Variants in IGSF5 observed in about 807,000 individuals in gnomAD.
The protein encoded by IGSF5 is immunoglobulin superfamily 5 like.
IGSF5 carries 41 observed loss-of-function variants against 39.4 expected under a neutral mutation model. The ratio of observed to expected loss-of-function variants is 1.04; its 90% CI spans 0.81 to 1.35. The LOEUF (loss-of-function observed/expected upper bound fraction) is 1.35, where lower values mean the gene tolerates loss of function less well. Ranked by LOEUF, IGSF5 falls within the 40% of genes most tolerant of loss-of-function variation. The pLI is 0.00. For missense variants in IGSF5, 487 were observed against 494.6 expected (o/e 0.98, Z 0.15); for synonymous variants, 183 against 175.3 (o/e 1.04, Z -0.34).
At chr21:39,729,608 T>C in the IGSF5 span, 1 of 152,226 alleles carries the variant, frequency 6.6e-6, no homozygotes, top group African/African-American at 2.4e-5. Context: ...GATTGCCGAT[T>C]GGACTACAGA....
chr21:39,750,236 A>G (rs999618015), intron 2 of IGSF5, among the ~76,000 whole-genome samples: 1 of 152,092 alleles, frequency 6.6e-6, no homozygotes, highest in African/African-American at 2.4e-5. Context: ...GGCCCCATTT[A>G]CTTGCTTCTT....
the IGSF5 span, among the ~76,000 whole-genome samples, chr21:39,734,451 C>T: frequency 8.5e-5 from 12 of 141,946 alleles, no homozygotes; most frequent in East Asian, 7.8e-4. Flanking sequence ...CACACACACA[C>T]ACACACACAC....
chr21:39,794,213 G>A (rs1381893442), intron 8 of IGSF5, among the ~76,000 whole-genome samples: 1 of 152,222 alleles, frequency 6.6e-6, no homozygotes, highest in East Asian at 1.9e-4. Flanking sequence ...CGGCTAAGAG[G>A]CTGGAGTTGC....
chr21:39,761,298 A>G lies in IGSF5; in HGVS notation c.101-4237A>G, dbSNP rs1037321951. On this transcript the variant is annotated intron_variant, in intron 2 of 8. Coordinates refer to ENST00000380588, the MANE Select transcript of IGSF5 (RefSeq NM_001080444.2). ...AAATGTAAAACTTCAAACTATGAAA[A>G]TCCTAGAAGAAAACCTAGGAATTAT... Among the ~76,000 whole-genome samples, 3 of 152,218 alleles carry G rather than the reference A, an allele frequency of 2.0e-5. No homozygotes were observed. The South Asian group carries it at 6.2e-4, about 32-fold the overall frequency.
chr21:39,755,473 G>C (rs1329711141), intron 2 of IGSF5, among the ~76,000 whole-genome samples: 1 of 151,778 alleles, frequency 6.6e-6, no homozygotes, highest in African/African-American at 2.4e-5. Flanking sequence ...TGTAGTCCCA[G>C]CTACTCAGGA....
intron 5 of IGSF5, among the ~76,000 whole-genome samples, chr21:39,784,005 G>T (rs1217330838): frequency 2.0e-5 from 3 of 152,168 alleles, no homozygotes; most frequent in Admixed American, 6.5e-5. Context: ...CCTTTCCCCA[G>T]TGTATGTTCT....
rs74526550 is a variant in IGSF5, at chr21:39,767,849, A to G, written c.418+1997A>G. 5.0e-3 allele frequency among the ~76,000 whole-genome samples: 760 copies of G among 152,270 alleles called. 8 individuals carry two copies. The highest frequency in any genetic ancestry group is 5.4e-3 in the Non-Finnish European group (364 of 68,020). On this transcript the variant is annotated intron_variant, in intron 3 of 8. Transcript: ENST00000380588. ...AAAGCCTTCATGGATGATTTCATGG[A>G]GAAGGTGCCATTGGAGATGTGCCTT...
At position 39,765,826 on chromosome 21, in the gene IGSF5, A is replaced by G; in HGVS notation, c.392A>G (p.His131Arg). ...TGCAGCCTCCAGAACAGTCGCCTGC[A>G]TGGATCTGCTTACCTTACCGTCCAA... is the stretch of plus-strand genomic sequence containing the variant. ...IRCSLQNSRL[H>R]GSAYLTVQVM... Residue 131 changes from histidine to arginine, a missense_variant, in exon 3 of 9, where the codon CAT becomes CGT. His to Arg is a conservative substitution (Grantham distance 29). Transcript: ENST00000380588. 3.7e-6 allele frequency: 6 copies of G among 1,613,602 alleles called. No individual in the cohort carries two copies. Among genetic ancestry groups the G allele is most frequent in the Non-Finnish European group, 4.2e-6 (5 of 1,179,636 alleles).
At chr21:39,714,284 T>A in the IGSF5 span, among the ~76,000 whole-genome samples, 1 of 152,192 alleles carries the variant, frequency 6.6e-6, no homozygotes, top group Non-Finnish European at 1.5e-5. Flanking sequence ...GCCTGATTAG[T>A]GAATGAAAAA....
At chr21:39,743,075 A>G (rs1316908358), upstream of IGSF5, among the ~76,000 whole-genome samples, 3 of 152,190 alleles carry the variant, frequency 2.0e-5, no homozygotes, top group South Asian at 2.1e-4. Context: ...ACATCATTGA[A>G]TAATTCACAG....
Position 39,771,136 on chromosome 21 carries a change from G to T in IGSF5, c.639G>T (p.Leu213Phe). ...LALTPQSNGTLTCVATWKSLK... is the reference protein window; with the variant it reads ...LALTPQSNGTFTCVATWKSLK... ...TGACCCCACAGAGCAATGGGACTTT[G>T]ACTTGCGTGGCTACCTGGAAGAGCC... The change falls in exon 4 of 9, where the codon TTG (leucine) becomes TTT (phenylalanine). Residue 213 changes from leucine to phenylalanine, a missense_variant. Leu to Phe is a conservative substitution (Grantham distance 22). Coordinates refer to ENST00000380588, the MANE Select transcript of IGSF5 (RefSeq NM_001080444.2). 3 of 1,609,974 alleles carry T rather than the reference G, an allele frequency of 1.9e-6. No homozygotes were observed. Among genetic ancestry groups the T allele is most frequent in the Non-Finnish European group, 2.5e-6 (3 of 1,177,932 alleles).
At chr21:39,719,099 T>C in the IGSF5 span, among the ~76,000 whole-genome samples, 1 of 152,186 alleles carries the variant, frequency 6.6e-6, no homozygotes, top group African/African-American at 2.4e-5. Context: ...GTCCAGGAAT[T>C]TATCCATCTC....
the IGSF5 span, among the ~76,000 whole-genome samples, chr21:39,737,563 G>C: frequency 1.3e-5 from 2 of 152,116 alleles, no homozygotes; most frequent in Admixed American, 6.5e-5. Context: ...TGACTCTCAG[G>C]AAAACACTTG....
chr21:39,733,735 G>C, the IGSF5 span, among the ~76,000 whole-genome samples: 1 of 152,176 alleles, frequency 6.6e-6, no homozygotes, highest in Non-Finnish European at 1.5e-5. Context: ...TCCCTTTGAC[G>C]GCTCTAGGGA....
intron 2 of IGSF5, among the ~76,000 whole-genome samples, chr21:39,748,849 C>T (rs1439658180): frequency 6.6e-6 from 1 of 151,934 alleles, no homozygotes; most frequent in East Asian, 1.9e-4. Context: ...TAGAAGTAAG[C>T]CTCAGCACTC....
intron 5 of IGSF5, among the ~76,000 whole-genome samples, chr21:39,780,413 C>A (rs1460283598): frequency 6.6e-6 from 1 of 152,114 alleles, no homozygotes; most frequent in Non-Finnish European, 1.5e-5. Context: ...ACCAAAGACA[C>A]TGATTATTGG....
At chr21:39,718,089 T>A in the IGSF5 span, among the ~76,000 whole-genome samples, 1 of 148,912 alleles carries the variant, frequency 6.7e-6, no homozygotes, top group Non-Finnish European at 1.5e-5. Context: ...CCTGGGTATT[T>A]TTTTTTTGTG....
the IGSF5 span, chr21:39,730,351 C>T: frequency 6.6e-6 from 1 of 152,116 alleles, no homozygotes; most frequent in Non-Finnish European, 1.5e-5. Context: ...ACTATACAGA[C>T]CTTGTTTTAA....
rs60669244 is a variant in IGSF5, at chr21:39,748,301, C to CTTTTTTTTTTTTTTTTTTTT, written c.100+2011_100+2030dup. 1.4e-4 allele frequency among the ~76,000 whole-genome samples: 8 copies of CTTTTTTTTTTTTTTTTTTTT among 58,240 alleles called. 3 individuals carry two copies. The highest frequency in any genetic ancestry group is 2.4e-4 in the Non-Finnish European group (8 of 33,002). The allele number at this position is 58,240 out of a possible 152,430, so 38.2% of individuals were successfully genotyped here. Reference sequence around the variant, plus strand: ...TGTGCAAGTGAAGAGAAAACAAGATCTTTTTTTTTTTTTTTTTTTTTTTTT... The same window carrying CTTTTTTTTTTTTTTTTTTTT: ...TGTGCAAGTGAAGAGAAAACAAGATCTTTTTTTTTTTTTTTTTTTTTTTTTTTTTTTTTTTTTTTTTTTTT... On this transcript the variant is annotated intron_variant, in intron 2 of 8. Transcript: ENST00000380588.
Sources: allele counts gnomAD v4.1 joint callset (sites outside exome capture counted in the v4.1 genomes callset), GRCh38; gene constraint gnomAD v4.1.1; transcripts MANE v1.5; gene names NCBI Gene and HGNC (gene_info 2026-07-23, HGNC 2026-07-21).